The following SEC14L6 variants were observed in gnomAD, a reference collection of about 807,000 sequenced individuals.
The protein encoded by SEC14L6 is SEC14 like lipid binding 6.
SEC14L6 carries 40 observed loss-of-function variants against 54.1 expected under a neutral mutation model. That is an observed-to-expected ratio of 0.74 (90% CI 0.57 to 0.96). SEC14L6 has a LOEUF of 0.96. Ranked by LOEUF, SEC14L6 falls within the 40% of genes least tolerant of loss-of-function variation. The pLI is 0.00. For synonymous variants in SEC14L6, 171 were observed against 198.4 expected (o/e 0.86, Z 1.16); for missense variants, 471 against 498.3 (o/e 0.95, Z 0.52).
At chr22:30,536,659 A>C (rs993051466) in intron 2 of SEC14L6, among the ~76,000 whole-genome samples, 1 of 152,206 alleles carries the variant, frequency 6.6e-6, no homozygotes, top group Non-Finnish European at 1.5e-5. Context: ...CAATGCAAAA[A>C]CAAAGCTAAC....
intron 2 of SEC14L6, among the ~76,000 whole-genome samples, chr22:30,536,517 C>A (rs887278667): frequency 6.6e-6 from 1 of 152,194 alleles, no homozygotes; most frequent in Non-Finnish European, 1.5e-5. Flanking sequence ...CTTCCCTAAC[C>A]TGGTCCCCAA....
chr22:30,527,571 T>G lies in SEC14L6; in HGVS notation c.664+1516A>C, dbSNP rs562276687. On this transcript the variant is annotated intron_variant, in intron 8 of 11. Coordinates refer to ENST00000402034, the MANE Select transcript of SEC14L6 (RefSeq NM_001193336.4). Reference sequence around the variant, plus strand: ...AAAAGTTATCAAAAGTCCTAACATGTAACCAGGTGTGGTCATGCCTGTAGT... The same window carrying G: ...AAAAGTTATCAAAAGTCCTAACATGGAACCAGGTGTGGTCATGCCTGTAGT... Among the ~76,000 whole-genome samples, 12 of 152,004 alleles carry G rather than the reference T, an allele frequency of 7.9e-5. No individual in the cohort carries two copies. The South Asian group carries it at 1.5e-3, about 18-fold the overall frequency.
At chr22:30,534,801 G>C (rs1937093695) in intron 2 of SEC14L6, among the ~76,000 whole-genome samples, 1 of 152,150 alleles carries the variant, frequency 6.6e-6, no homozygotes, top group African/African-American at 2.4e-5. Flanking sequence ...AAGGTGGGCA[G>C]ATCACCTGAG....
chr22:30,523,957 G>A lies in SEC14L6; in HGVS notation c.*1040C>T, dbSNP rs555374098. ...CAACTTGCCCACAAATGCACTTTTC[G>A]AATGCAAACCAACTGATATAAACCA... On this transcript the variant is annotated 3_prime_UTR_variant, in exon 12 of 12. Coordinates refer to ENST00000402034, the MANE Select transcript of SEC14L6 (RefSeq NM_001193336.4). 2.6e-5 allele frequency: 4 copies of A among 152,280 alleles called. No individual in the cohort carries two copies. In the South Asian group the frequency reaches 6.2e-4, roughly 24 times the overall value. The allele number at this position is 152,280 out of a possible 1,614,324, so 9.4% of individuals were successfully genotyped here. A position where few individuals can be genotyped will look rare whatever the true frequency, so the allele number is the denominator to read the frequency against.
chr22:30,532,672 G>T lies in SEC14L6; in HGVS notation c.276C>A (p.Asp92Glu), dbSNP rs763730535. The change falls in exon 5 of 12, where the codon GAC becomes GAA. Residue 92 changes from aspartate to glutamate, a missense_variant. Physicochemically the swap from Asp to Glu is conservative, Grantham distance 45. Transcript: ENST00000402034. ...LYNANGICGH[D>E]GEGSPVWYHI... ...GGTACCAGACAGGGCTGCCCTCACC[G>T]TCGTGGCCGCATATGCCGTTAGCGT... 1.9e-6 allele frequency: 3 copies of T among 1,552,168 alleles called. No individual in the cohort carries two copies. Among genetic ancestry groups the T allele is most frequent in the Non-Finnish European group, 2.6e-6 (3 of 1,147,752 alleles).
At chr22:30,533,286 G>C (rs1025522588) in intron 3 of SEC14L6, 1 of 256,580 alleles carries the variant, frequency 3.9e-6, no homozygotes, top group Admixed American at 6.5e-5. Context: ...TCTCCAACAC[G>C]ATCTCCGTGT....
chr22:30,540,240 G>A (rs5749120), intron 1 of SEC14L6, among the ~76,000 whole-genome samples: 109,743 of 152,082 alleles, frequency 0.72, 39,855 homozygotes, highest in African/African-American at 0.78. Flanking sequence ...ATGGTGATGC[G>A]CCTTCTTAGC....
At chr22:30,535,796 A>G (rs1010357572) in intron 2 of SEC14L6, among the ~76,000 whole-genome samples, 3 of 151,846 alleles carry the variant, frequency 2.0e-5, no homozygotes, top group African/African-American at 4.8e-5. Context: ...CTGCAACCTC[A>G]ACTTCCCAGG....
At chr22:30,545,538 G>T (rs538536909) in intron 1 of SEC14L6, among the ~76,000 whole-genome samples, 1 of 152,072 alleles carries the variant, frequency 6.6e-6, no homozygotes. Flanking sequence ...GGGACTACAG[G>T]CATGGGCCAC....
chr22:30,525,452 G>A lies in SEC14L6; in HGVS notation c.979C>T (p.Arg327Trp), dbSNP rs200236380. Residue 327 changes from arginine to tryptophan, a missense_variant, in exon 11 of 12, where the codon CGG becomes TGG. Transcript: ENST00000402034. ...GVFLKTKMGE[R>W]QRAREMTEVL... ...TCTGTCATCTCCCTAGCCCTCTGCCGCTCCCCCATCTTGGTCTTCAGGAAA... is the reference window on the plus strand; with the variant it reads ...TCTGTCATCTCCCTAGCCCTCTGCCACTCCCCCATCTTGGTCTTCAGGAAA... 121 of 1,614,002 alleles carry A rather than the reference G, an allele frequency of 7.5e-5. 2 individuals carry two copies. In the South Asian group the frequency reaches 1.0e-3, roughly 13 times the overall value.
At chr22:30,544,339 A>G in intron 1 of SEC14L6, 1 of 351,178 alleles carries the variant, frequency 2.8e-6, no homozygotes. Flanking sequence ...GGAAGCGGCC[A>G]GAACTGCCTG....
In SEC14L6 at chr22:30,524,978, TG is replaced by T; in HGVS notation, c.*18del. The stretch of plus-strand genomic sequence containing the variant: ...GATTCAGAGATCAAAGAGGAGGGTG[TG>T]GGGACCATGAGGTTCACCTAGAATT... On this transcript the variant is annotated 3_prime_UTR_variant, in exon 12 of 12. Transcript: ENST00000402034. The T allele has an allele frequency of 8.1e-7, 1 of 1,237,436 alleles. No individual in the cohort carries two copies. The highest frequency in any genetic ancestry group is 1.2e-6 in the Non-Finnish European group (1 of 861,172). The allele number at this position is 1,237,436 out of a possible 1,614,324, so 76.7% of individuals were successfully genotyped here. A position where few individuals can be genotyped will look rare whatever the true frequency, so the allele number is the denominator to read the frequency against.
intron 2 of SEC14L6, among the ~76,000 whole-genome samples, chr22:30,537,562 T>A (rs1020846172): frequency 6.6e-6 from 1 of 152,168 alleles, no homozygotes; most frequent in African/African-American, 2.4e-5. Flanking sequence ...AAGGCTACAG[T>A]GAGCTGATGT....
intron 1 of SEC14L6, among the ~76,000 whole-genome samples, chr22:30,546,224 C>T (rs958500817): frequency 6.6e-6 from 1 of 151,548 alleles, no homozygotes; most frequent in Non-Finnish European, 1.5e-5. Context: ...TCTCTACTAA[C>T]ATACAAAAAT....
chr22:30,528,029 G>A (rs2146246650), intron 8 of SEC14L6, among the ~76,000 whole-genome samples: 1 of 151,716 alleles, frequency 6.6e-6, no homozygotes, highest in South Asian at 2.1e-4. Context: ...AGTTCGCTGG[G>A]TGACAGGATA....
At chr22:30,530,600 T>C (rs1162817706) in intron 6 of SEC14L6, among the ~76,000 whole-genome samples, 3 of 152,156 alleles carry the variant, frequency 2.0e-5, no homozygotes, top group Admixed American at 1.3e-4. Flanking sequence ...GGTCTTGCTA[T>C]GTTCAAGACC....
intron 2 of SEC14L6, among the ~76,000 whole-genome samples, chr22:30,538,158 G>T (rs2146286546): frequency 6.6e-6 from 1 of 152,128 alleles, no homozygotes; most frequent in African/African-American, 2.4e-5. Flanking sequence ...TGGCTAACAT[G>T]AGGAAACCCT....
At chr22:30,530,207 C>T (rs879928207) in intron 6 of SEC14L6, among the ~76,000 whole-genome samples, 10 of 151,800 alleles carry the variant, frequency 6.6e-5, no homozygotes, top group South Asian at 2.1e-4. Context: ...GTCACGAGTT[C>T]GAGACCAGGC....
intron 1 of SEC14L6, chr22:30,542,773 C>A: frequency 6.3e-7 from 1 of 1,589,244 alleles, no homozygotes; most frequent in Non-Finnish European, 8.6e-7. Context: ...GCCCATCCAA[C>A]GGTTCAGAGG....
Sources: allele counts gnomAD v4.1 joint callset (sites outside exome capture counted in the v4.1 genomes callset), GRCh38; gene constraint gnomAD v4.1.1; transcripts MANE v1.5; gene names NCBI Gene and HGNC (gene_info 2026-07-23, HGNC 2026-07-21).